SLC25A21: variants seen among roughly 807,000 people sequenced by gnomAD.
SLC25A21 encodes solute carrier family 25 member 21, also known as mitochondrial 2-oxodicarboxylate carrier.
In SLC25A21, 47 loss-of-function variants were observed where a neutral mutation model predicts 43.8. The observed-to-expected ratio is 1.07, with a 90% CI of 0.85 to 1.37. The LOEUF (loss-of-function observed/expected upper bound fraction) is 1.37, where lower values mean the gene tolerates loss of function less well. Among genes scored for constraint, SLC25A21 ranks in the 40% most tolerant of loss-of-function variants. The pLI, the probability that SLC25A21 is intolerant of heterozygous loss-of-function variation, is 0.00. For missense variants in SLC25A21, 352 were observed against 350.2 expected (o/e 1.00, Z -0.04); for synonymous variants, 131 against 121.3 (o/e 1.08, Z -0.52).
intron 3 of SLC25A21, among the ~76,000 whole-genome samples, chr14:36,775,900 C>T (rs1384862302): frequency 6.6e-6 from 1 of 152,150 alleles, no homozygotes. Context: ...TTTACCACTA[C>T]CTCATTTTTG....
At chr14:36,904,340 G>A (rs1244108424) in intron 1 of SLC25A21, among the ~76,000 whole-genome samples, 4 of 152,012 alleles carry the variant, frequency 2.6e-5, no homozygotes, top group African/African-American at 9.7e-5. Context: ...CACTTTTAAG[G>A]GTAAGAAAAT....
chr14:36,817,520 T>C (rs1013148955), intron 2 of SLC25A21, among the ~76,000 whole-genome samples: 2 of 152,308 alleles, frequency 1.3e-5, no homozygotes, highest in Non-Finnish European at 2.9e-5. Flanking sequence ...CTCTGCTTGC[T>C]GCAGGCACTT....
intron 3 of SLC25A21, among the ~76,000 whole-genome samples, chr14:36,769,817 T>A (rs1886550500): frequency 6.6e-6 from 1 of 152,194 alleles, no homozygotes; most frequent in South Asian, 2.1e-4. Context: ...TCATTTCTAT[T>A]TTTACATTTC....
rs1566485624 is a variant in SLC25A21, at chr14:36,680,121, A to C, written c.*537T>G. On this transcript the variant is annotated 3_prime_UTR_variant, in exon 10 of 10. Coordinates refer to ENST00000331299, the MANE Select transcript of SLC25A21 (RefSeq NM_030631.4). ...TAACATAGTATTCATAAAATTAAAC[A>C]TTCTTAAAAGGTCATTTTAGTGCAC... 1.1e-6 allele frequency: 1 copy of C among 878,154 alleles called. No homozygotes were observed. Among genetic ancestry groups the C allele is most frequent in the East Asian group, 1.2e-4 (1 of 8,072 alleles). The allele number at this position is 878,154 out of a possible 1,614,324, so 54.4% of individuals were successfully genotyped here. A position where few individuals can be genotyped will look rare whatever the true frequency, so the allele number is the denominator to read the frequency against.
intron 1 of SLC25A21, among the ~76,000 whole-genome samples, chr14:37,024,694 T>C (rs1044302815): frequency 5.9e-5 from 9 of 152,022 alleles, no homozygotes; most frequent in African/African-American, 2.2e-4. Context: ...TTTGTTGGCA[T>C]CTTTCCTTTT....
intron 6 of SLC25A21, chr14:36,725,334 G>A (rs1001549140): frequency 1.2e-5 from 2 of 168,376 alleles, no homozygotes; most frequent in Non-Finnish European, 2.5e-5. Context: ...AATTAGCTGG[G>A]TGTGGTGGTG....
At chr14:37,071,212 T>G (rs1962163172) in intron 1 of SLC25A21, among the ~76,000 whole-genome samples, 1 of 152,218 alleles carries the variant, frequency 6.6e-6, no homozygotes, top group African/African-American at 2.4e-5. Context: ...AGCAAAGATG[T>G]ATACATGGTA....
At chr14:37,102,877 C>A (rs755244145) in intron 1 of SLC25A21, among the ~76,000 whole-genome samples, 6 of 151,640 alleles carry the variant, frequency 4.0e-5, no homozygotes, top group African/African-American at 1.5e-4. Flanking sequence ...CCCAGCTACT[C>A]GGGAGGCTGA....
At chr14:36,756,154 A>C (rs1016459846) in intron 3 of SLC25A21, among the ~76,000 whole-genome samples, 2 of 152,164 alleles carry the variant, frequency 1.3e-5, no homozygotes, top group African/African-American at 2.4e-5. Context: ...GGCTTAAGTA[A>C]AAGTGGGTGT....
intron 1 of SLC25A21, among the ~76,000 whole-genome samples, chr14:37,004,435 G>A (rs986309301): frequency 5.3e-5 from 8 of 152,202 alleles, no homozygotes; most frequent in Non-Finnish European, 1.0e-4. Context: ...TGCATTTCAT[G>A]TTAATGCTGT....
intron 7 of SLC25A21, among the ~76,000 whole-genome samples, chr14:36,689,681 C>T (rs566879355): frequency 1.6e-4 from 25 of 152,158 alleles, no homozygotes; most frequent in Non-Finnish European, 2.4e-4. Context: ...AAGTGTGTTC[C>T]CCACACCACC....
intron 2 of SLC25A21, among the ~76,000 whole-genome samples, chr14:36,815,302 G>A (rs552334293): frequency 9.3e-4 from 142 of 151,954 alleles, no homozygotes; most frequent in African/African-American, 3.2e-3. Flanking sequence ...AAATCTGCAC[G>A]TTCTGCATAT....
At chr14:36,974,146 A>G (rs1056097158) in intron 1 of SLC25A21, among the ~76,000 whole-genome samples, 5 of 152,208 alleles carry the variant, frequency 3.3e-5, no homozygotes, top group Non-Finnish European at 5.9e-5. Flanking sequence ...AGATGGAAGG[A>G]GATTTGTTTT....
At chr14:36,714,457 C>T (rs1351890648) in intron 6 of SLC25A21, among the ~76,000 whole-genome samples, 2 of 152,162 alleles carry the variant, frequency 1.3e-5, no homozygotes, top group Admixed American at 6.5e-5. Flanking sequence ...CTCTCTGGAG[C>T]AGTAAATCCT....
At chr14:37,146,791 A>AAT (rs1298171283) in intron 1 of SLC25A21, among the ~76,000 whole-genome samples, 2 of 152,206 alleles carry the variant, frequency 1.3e-5, no homozygotes, top group Non-Finnish European at 2.9e-5. Context: ...ATGCTGATAA[A>AAT]ATATATATGA....
At chr14:36,966,019 C>G (rs1315999681) in intron 1 of SLC25A21, among the ~76,000 whole-genome samples, 1 of 152,018 alleles carries the variant, frequency 6.6e-6, no homozygotes, top group Non-Finnish European at 1.5e-5. Flanking sequence ...TACTATGTAC[C>G]TACAAAATTA....
intron 1 of SLC25A21, among the ~76,000 whole-genome samples, chr14:37,015,209 A>T (rs1262498607): frequency 5.0e-5 from 5 of 100,712 alleles, no homozygotes; most frequent in Non-Finnish European, 9.2e-5. Context: ...ACCCCACAAC[A>T]GTCCCCAGAG....
chr14:37,154,890 C>T (rs956997161), intron 1 of SLC25A21, among the ~76,000 whole-genome samples: 5 of 152,144 alleles, frequency 3.3e-5, no homozygotes, highest in Non-Finnish European at 7.4e-5. Context: ...GATCTACCCG[C>T]CTCAGCCTCC....
Position 36,694,494 on chromosome 14 carries a change from C to A in SLC25A21, c.604-9569G>T, listed in dbSNP as rs1212549570. Among the ~76,000 whole-genome samples the A allele has an allele frequency of 3.3e-5, 5 of 152,280 alleles. No individual in the cohort carries two copies. The Middle Eastern group carries it at 0.01, about 311-fold the overall frequency. Reference sequence around the variant, plus strand: ...ATCCTTGAGGAATCGCCACTGTCTTCCACAATGGTTGAACTAATTTACACT... The same window carrying A: ...ATCCTTGAGGAATCGCCACTGTCTTACACAATGGTTGAACTAATTTACACT... On this transcript the variant is annotated intron_variant, in intron 7 of 9. Coordinates refer to ENST00000331299, the MANE Select transcript of SLC25A21 (RefSeq NM_030631.4).
Sources: allele counts gnomAD v4.1 joint callset (sites outside exome capture counted in the v4.1 genomes callset), GRCh38; gene constraint gnomAD v4.1.1; transcripts MANE v1.5; gene names NCBI Gene and HGNC (gene_info 2026-07-23, HGNC 2026-07-21).